The following GPR55 variants were observed in gnomAD, a reference collection of about 807,000 sequenced individuals.
GPR55 encodes the protein G-protein coupled receptor 55.
GPR55 carries 6 observed loss-of-function variants against 7.9 expected under a neutral mutation model. That is an observed-to-expected ratio of 0.76 (90% CI 0.41 to 1.49). The LOEUF (loss-of-function observed/expected upper bound fraction) is 1.49. Ranked by LOEUF, GPR55 falls within the 40% of genes most tolerant of loss-of-function variation. The pLI is 0.01. For synonymous variants in GPR55, 183 were observed against 166.8 expected (o/e 1.10, Z -0.75); for missense variants, 376 against 406.0 (o/e 0.93, Z 0.63).
At chr2:230,911,309 C>G (rs1027124328) in intron 1 of GPR55, among the ~76,000 whole-genome samples, 1 of 152,128 alleles carries the variant, frequency 6.6e-6, no homozygotes, top group Non-Finnish European at 1.5e-5. Flanking sequence ...ATACCCAGAC[C>G]CAAACAGGCT....
At chr2:230,952,758 C>T (rs1422888768) in intron 1 of GPR55, among the ~76,000 whole-genome samples, 5 of 152,142 alleles carry the variant, frequency 3.3e-5, no homozygotes, top group East Asian at 1.9e-4. Context: ...ATCCTCAGGC[C>T]GGCCCCCACA....
intron 1 of GPR55, among the ~76,000 whole-genome samples, chr2:230,936,067 G>T (rs373804220): frequency 6.6e-6 from 1 of 152,334 alleles, no homozygotes; most frequent in East Asian, 1.9e-4. Flanking sequence ...GAATATTAAA[G>T]AGGTTGGCAG....
In GPR55 at chr2:230,910,225, G is replaced by A; in HGVS notation, c.738C>T (p.Phe246=). 6.2e-7 allele frequency: 1 copy of A among 1,614,066 alleles called. No individual in the cohort carries two copies. Among genetic ancestry groups the A allele is most frequent in the Non-Finnish European group, 8.5e-7 (1 of 1,179,884 alleles). Residue 246 remains phenylalanine (F), a synonymous_variant, in exon 2 of 2, where the codon TTC becomes TTT. Coordinates refer to ENST00000650999, the MANE Select transcript of GPR55 (RefSeq NM_005683.4). This position sits in a 1 kb window ranked among gnomAD's most constrained non-coding sequence, Gnocchi z 5.4. ...TGTTTCTCACCAGGAACTGCAGGAA[G>A]AACCCCAGGTGGACTGGGAGGAAGG... ...VVSFLPVHLG[F]FLQFLVRNSF... is the part of the protein sequence containing the mutation.
chr2:230,912,329 G>A (rs190730287), intron 1 of GPR55, among the ~76,000 whole-genome samples: 1 of 152,314 alleles, frequency 6.6e-6, no homozygotes, highest in East Asian at 1.9e-4. Flanking sequence ...GCTAGCAGGT[G>A]CTGAGATCCC....
At chr2:230,927,564 C>T (rs77750027), upstream of GPR55, among the ~76,000 whole-genome samples, 3,567 of 152,306 alleles carry the variant, frequency 0.023, 149 homozygotes, top group African/African-American at 0.08. Context: ...CTAGTCCTGC[C>T]CACCCTCTCA....
rs80135323 is a variant in GPR55 at position 230,940,330 on chromosome 2, G to C, written c.-135+20445C>G. Among the ~76,000 whole-genome samples, 1,110 of 152,232 alleles carry C rather than the reference G, an allele frequency of 7.3e-3. 19 individuals carry two copies. The highest frequency in any genetic ancestry group is 0.025 in the African/African-American group (1,058 of 41,526). On this transcript the variant is annotated intron_variant, in intron 1 of 1. Coordinates refer to the GPR55 transcript ENST00000392039. ...AGGCTGGGGTTTCCTGACAGGCTGC[G>C]TTCTCTTCATAATCATCTGCAGATT... is the stretch of plus-strand genomic sequence containing the variant.
intron 1 of GPR55, among the ~76,000 whole-genome samples, chr2:230,914,020 G>T (rs146861770): frequency 1.3e-5 from 2 of 152,330 alleles, no homozygotes; most frequent in African/African-American, 4.8e-5. Flanking sequence ...AATGACAAAA[G>T]CTCAACACTC....
At chr2:230,931,025 T>G (rs1691030292) in intron 1 of GPR55, among the ~76,000 whole-genome samples, 1 of 152,124 alleles carries the variant, frequency 6.6e-6, no homozygotes, top group African/African-American at 2.4e-5. Context: ...CTGCCCTACC[T>G]ACCCGCCACT....
upstream of GPR55, among the ~76,000 whole-genome samples, chr2:230,925,810 GC>G: frequency 6.6e-6 from 1 of 152,310 alleles, no homozygotes; most frequent in East Asian, 1.9e-4. Context: ...AGGTTCCCCA[GC>G]CTCGGCTTCT....
chr2:230,935,788 A>AT (rs2125063746), intron 1 of GPR55, among the ~76,000 whole-genome samples: 1 of 152,210 alleles, frequency 6.6e-6, no homozygotes, highest in Non-Finnish European at 1.5e-5. Flanking sequence ...TGGATTTTGG[A>AT]TTTTTTTAGA....
At position 230,949,532 on chromosome 2, in the gene GPR55, C is replaced by T. The variant is rs376942484; in HGVS notation, c.-135+11243G>A. Among the ~76,000 whole-genome samples, 6 of 152,312 alleles carry T rather than the reference C, an allele frequency of 3.9e-5. No individual in the cohort carries two copies. In the East Asian group the frequency reaches 1.2e-3, roughly 29 times the overall value. Reference sequence around the variant, plus strand: ...AAGAATGGGGTGGATTCCATCAATTCCCCGGCCTAGATCAGCACTTCTCAA... The same window carrying T: ...AAGAATGGGGTGGATTCCATCAATTTCCCGGCCTAGATCAGCACTTCTCAA... On this transcript the variant is annotated intron_variant, in intron 1 of 1. Coordinates refer to the GPR55 transcript ENST00000392039.
chr2:230,913,225 A>G (rs895369382), intron 1 of GPR55, among the ~76,000 whole-genome samples: 1 of 152,088 alleles, frequency 6.6e-6, no homozygotes, highest in Admixed American at 6.5e-5. Context: ...CATTCCTATG[A>G]CTTATTTCTT....
rs1691283590 is a variant in GPR55 at position 230,944,607 on chromosome 2, A to G, written c.-135+16168T>C. 6.6e-6 allele frequency among the ~76,000 whole-genome samples: 1 copy of G among 152,240 alleles called. No individual in the cohort carries two copies. The highest frequency in any genetic ancestry group is 1.5e-5 in the Non-Finnish European group (1 of 68,046). On this transcript the variant is annotated intron_variant, in intron 1 of 1. Transcript: ENST00000392039. The surrounding 1 kb of genome is among the most constrained non-coding windows in gnomAD (Gnocchi z 4.2). ...TGACTCAACAGTGACGTCCTACAGCATGATTTGCTTTAACTGAAGGTGAAG... is the reference window on the plus strand; with the variant it reads ...TGACTCAACAGTGACGTCCTACAGCGTGATTTGCTTTAACTGAAGGTGAAG...
intron 1 of GPR55, among the ~76,000 whole-genome samples, chr2:230,939,393 T>G (rs1358614370): frequency 6.6e-6 from 1 of 152,086 alleles, no homozygotes; most frequent in Non-Finnish European, 1.5e-5. Context: ...AGCCAGGCAA[T>G]GACAAGCCTT....
chr2:230,913,538 T>C (rs2125048887), intron 1 of GPR55, among the ~76,000 whole-genome samples: 1 of 152,330 alleles, frequency 6.6e-6, no homozygotes, highest in African/African-American at 2.4e-5. Flanking sequence ...ATTTATGTAA[T>C]GAGAGATCTA....
At chr2:230,928,634 C>A (rs1226490296), upstream of GPR55, 2 of 152,100 alleles carry the variant, frequency 1.3e-5, no homozygotes, top group Non-Finnish European at 2.9e-5. Flanking sequence ...ACTGAGGCCC[C>A]CATTCCTCGT....
At chr2:230,955,037 G>A (rs1691459828) in intron 1 of GPR55, among the ~76,000 whole-genome samples, 1 of 152,120 alleles carries the variant, frequency 6.6e-6, no homozygotes, top group Non-Finnish European at 1.5e-5. Context: ...TTACAGTTAG[G>A]GACAGAGTCA....
At chr2:230,925,833 C>A (rs1020596407), upstream of GPR55, among the ~76,000 whole-genome samples, 2 of 152,196 alleles carry the variant, frequency 1.3e-5, no homozygotes, top group Non-Finnish European at 2.9e-5. Context: ...TGTCCCAGGC[C>A]TGCACAGAGA....
intron 1 of GPR55, among the ~76,000 whole-genome samples, chr2:230,936,868 C>G (rs1174964573): frequency 1.3e-5 from 2 of 152,140 alleles, no homozygotes; most frequent in African/African-American, 2.4e-5. Context: ...TGGCTGGAGG[C>G]TAAGGGGAAA....
Sources: allele counts gnomAD v4.1 joint callset (sites outside exome capture counted in the v4.1 genomes callset), GRCh38; gene constraint gnomAD v4.1.1; non-coding constraint Gnocchi (gnomAD v3.1); transcripts MANE v1.5; gene names NCBI Gene and HGNC (gene_info 2026-07-23, HGNC 2026-07-21).